Variants in GALNTL6 observed in about 807,000 individuals in gnomAD.
The protein encoded by GALNTL6 is polypeptide N-acetylgalactosaminyltransferase-like 6.
In GALNTL6, 46 loss-of-function variants were observed where a neutral mutation model predicts 73.7. The observed-to-expected ratio is 0.62, with a 90% CI of 0.49 to 0.80. The LOEUF (loss-of-function observed/expected upper bound fraction) is 0.80. Among genes scored for constraint, GALNTL6 ranks in the 30% least tolerant of loss-of-function variants. The probability of loss-of-function intolerance (pLI) is 0.00; values close to 1 mark genes in which losing one functional copy is unlikely to be tolerated. For synonymous variants in GALNTL6, 259 were observed against 263.7 expected (o/e 0.98, Z 0.17); for missense variants, 604 against 755.0 (o/e 0.80, Z 2.34).
intron 7 of GALNTL6, among the ~76,000 whole-genome samples, chr4:172,861,961 C>T (rs989983589): frequency 3.9e-5 from 6 of 152,032 alleles, no homozygotes; most frequent in South Asian, 2.1e-4. Context: ...AAATTGGTAC[C>T]GATAGAATGG....
At chr4:172,401,779 C>T (rs1744047864) in intron 5 of GALNTL6, among the ~76,000 whole-genome samples, 1 of 151,974 alleles carries the variant, frequency 6.6e-6, no homozygotes, top group South Asian at 2.1e-4. Flanking sequence ...AGCAAACCCA[C>T]CGAAATTACA....
At chr4:172,785,559 C>T (rs1165093481) in intron 5 of GALNTL6, among the ~76,000 whole-genome samples, 1 of 152,090 alleles carries the variant, frequency 6.6e-6, no homozygotes, top group Non-Finnish European at 1.5e-5. Context: ...AAAAGTCCTG[C>T]TCTCATGAAG....
chr4:171,852,805 A>C (rs1011348946), intron 2 of GALNTL6, among the ~76,000 whole-genome samples: 7 of 63,376 alleles, frequency 1.1e-4, no homozygotes, highest in Non-Finnish European at 2.4e-4. Context: ...TAAGAAAAAG[A>C]TAAGTCAAGT....
intron 8 of GALNTL6, among the ~76,000 whole-genome samples, chr4:172,911,088 A>G (rs534997763): frequency 6.6e-6 from 1 of 152,358 alleles, no homozygotes; most frequent in East Asian, 1.9e-4. Flanking sequence ...GTATTAATTC[A>G]TAAGCATTTT....
At chr4:173,018,544 A>G (rs937789493) in intron 11 of GALNTL6, among the ~76,000 whole-genome samples, 1 of 152,202 alleles carries the variant, frequency 6.6e-6, no homozygotes, top group African/African-American at 2.4e-5. Context: ...GAGAAACATA[A>G]GTGGACAATC....
At chr4:172,521,049 C>A (rs1198192483) in intron 5 of GALNTL6, among the ~76,000 whole-genome samples, 1 of 151,902 alleles carries the variant, frequency 6.6e-6, no homozygotes, top group Non-Finnish European at 1.5e-5. Flanking sequence ...TCTTTATTTG[C>A]AAGAATGTAT....
At chr4:172,797,086 G>GA (rs573143377) in intron 5 of GALNTL6, among the ~76,000 whole-genome samples, 213 of 152,028 alleles carry the variant, frequency 1.4e-3, no homozygotes, top group African/African-American at 4.3e-3. Flanking sequence ...AAATTCTTCT[G>GA]AAAAAAACTG....
intron 2 of GALNTL6, among the ~76,000 whole-genome samples, chr4:171,849,758 G>A (rs918528626): frequency 5.9e-5 from 9 of 152,232 alleles, no homozygotes; most frequent in East Asian, 3.9e-4. Flanking sequence ...TGGCCATGCC[G>A]CAGGCTGGGA....
At chr4:171,973,122 A>G (rs1029514774) in intron 2 of GALNTL6, among the ~76,000 whole-genome samples, 19 of 152,130 alleles carry the variant, frequency 1.2e-4, no homozygotes, top group African/African-American at 4.6e-4. Context: ...CCCACTTCAC[A>G]TTTTTAGCAG....
chr4:172,759,544 A>G (rs913319764), intron 5 of GALNTL6, among the ~76,000 whole-genome samples: 1 of 152,224 alleles, frequency 6.6e-6, no homozygotes, highest in Non-Finnish European at 1.5e-5. Context: ...ACTGTAGTCA[A>G]CAATTTCATC....
At chr4:172,376,993 C>G (rs1339719448) in intron 5 of GALNTL6, among the ~76,000 whole-genome samples, 4 of 151,972 alleles carry the variant, frequency 2.6e-5, no homozygotes, top group Non-Finnish European at 5.9e-5. Flanking sequence ...CAGCGCAGAC[C>G]AAAAGGGTGA....
chr4:173,030,311 G>A (rs1753404505), intron 12 of GALNTL6, among the ~76,000 whole-genome samples: 1 of 152,114 alleles, frequency 6.6e-6, no homozygotes, highest in Non-Finnish European at 1.5e-5. Context: ...TTCCCATCCT[G>A]TTTTTAGCTG....
At chr4:172,749,235 C>A (rs891300547) in intron 5 of GALNTL6, among the ~76,000 whole-genome samples, 2 of 152,068 alleles carry the variant, frequency 1.3e-5, no homozygotes, top group Admixed American at 1.3e-4. Context: ...TTGAGACCTT[C>A]TATTATGTTT....
At chr4:172,730,968 T>A (rs1002752916) in intron 5 of GALNTL6, among the ~76,000 whole-genome samples, 1 of 151,688 alleles carries the variant, frequency 6.6e-6, no homozygotes, top group African/African-American at 2.4e-5. Context: ...TACTCCCAGC[T>A]ACTTGGGAGG....
chr4:172,617,682 C>T (rs563031733), intron 5 of GALNTL6, among the ~76,000 whole-genome samples: 19 of 151,944 alleles, frequency 1.3e-4, no homozygotes, highest in African/African-American at 4.1e-4. Flanking sequence ...GGGGTTCCAC[C>T]GTGTTAGCCA....
intron 5 of GALNTL6, among the ~76,000 whole-genome samples, chr4:172,354,804 A>G (rs899834281): frequency 6.6e-6 from 1 of 152,140 alleles, no homozygotes; most frequent in African/African-American, 2.4e-5. Context: ...CTGGATGTTA[A>G]TGTCTTCAGA....
At chr4:171,880,911 T>C (rs1190255609) in intron 2 of GALNTL6, among the ~76,000 whole-genome samples, 1 of 152,184 alleles carries the variant, frequency 6.6e-6, no homozygotes, top group African/African-American at 2.4e-5. Context: ...AGATTGTCAA[T>C]TGTACCCTGT....
intron 5 of GALNTL6, among the ~76,000 whole-genome samples, chr4:172,731,096 A>G (rs2111388996): frequency 6.8e-6 from 1 of 147,898 alleles, no homozygotes; most frequent in Non-Finnish European, 1.5e-5. Context: ...AAAAAAAAAA[A>G]GAGTTTGAGA....
chr4:172,417,601 A>AT (rs1266729222), intron 5 of GALNTL6, among the ~76,000 whole-genome samples: 3 of 152,072 alleles, frequency 2.0e-5, no homozygotes, highest in African/African-American at 7.2e-5. Context: ...GTGAGCCGAG[A>AT]TTTTGCCACT....
Sources: allele counts gnomAD v4.1 joint callset (sites outside exome capture counted in the v4.1 genomes callset), GRCh38; gene constraint gnomAD v4.1.1; transcripts MANE v1.5; gene names NCBI Gene and HGNC (gene_info 2026-07-23, HGNC 2026-07-21).